The following PDE1C variants were observed in gnomAD, a reference collection of about 807,000 sequenced individuals.
PDE1C encodes dual specificity calcium/calmodulin-dependent 3',5'-cyclic nucleotide phosphodiesterase 1C.
Under a neutral mutation model 93.1 loss-of-function variants are expected in PDE1C, and 62 were observed. The ratio of observed to expected loss-of-function variants is 0.67; its 90% CI spans 0.54 to 0.82. PDE1C has a LOEUF of 0.82. Ranked by LOEUF, PDE1C falls within the 40% of genes least tolerant of loss-of-function variation. PDE1C has a pLI of 0.00. For missense variants in PDE1C, 742 were observed against 884.6 expected (o/e 0.84, Z 2.04); for synonymous variants, 325 against 310.1 (o/e 1.05, Z -0.50).
At chr7:31,818,060 T>A (rs1305911698) in intron 14 of PDE1C, among the ~76,000 whole-genome samples, 2 of 152,180 alleles carry the variant, frequency 1.3e-5, no homozygotes, top group Non-Finnish European at 1.5e-5. Flanking sequence ...ATAGTTTGAA[T>A]GTTTTCCAGG....
At chr7:32,305,929 C>A (rs1812988899) in intron 1 of PDE1C, among the ~76,000 whole-genome samples, 3 of 152,198 alleles carry the variant, frequency 2.0e-5, no homozygotes, top group Admixed American at 2.0e-4. Context: ...CCACCCAAAT[C>A]TCATCTTGAA....
the PDE1C span, among the ~76,000 whole-genome samples, chr7:31,688,610 C>T: frequency 6.6e-6 from 1 of 152,230 alleles, no homozygotes; most frequent in African/African-American, 2.4e-5. Context: ...TTAACAATCC[C>T]TGTGTATTGT....
chr7:32,034,051 A>G (rs1790686772), intron 2 of PDE1C, among the ~76,000 whole-genome samples: 2 of 89,906 alleles, frequency 2.2e-5, no homozygotes. Flanking sequence ...GTAAGATGAG[A>G]GACTGTGTGT....
chr7:32,106,354 A>C (rs1798311094), intron 3 of PDE1C, among the ~76,000 whole-genome samples: 1 of 152,126 alleles, frequency 6.6e-6, no homozygotes, highest in Admixed American at 6.5e-5. Flanking sequence ...TTACAACTAG[A>C]GTTCTAGTGT....
chr7:31,984,926 A>G (rs1371604458), intron 2 of PDE1C, among the ~76,000 whole-genome samples: 3 of 152,214 alleles, frequency 2.0e-5, no homozygotes, highest in Admixed American at 6.5e-5. Flanking sequence ...ATGACAGAAA[A>G]CATCGTCCTT....
intron 1 of PDE1C, among the ~76,000 whole-genome samples, chr7:32,401,266 C>T (rs1784936632): frequency 1.3e-5 from 2 of 152,136 alleles, no homozygotes; most frequent in African/African-American, 4.8e-5. Context: ...AGGCCGGGTA[C>T]AGTGGCTTAC....
At chr7:32,115,989 G>A (rs1798966403) in intron 3 of PDE1C, among the ~76,000 whole-genome samples, 1 of 152,124 alleles carries the variant, frequency 6.6e-6, no homozygotes, top group Admixed American at 6.6e-5. Context: ...GGTGAAAGAG[G>A]TCTACTCAAG....
At chr7:32,198,633 A>G (rs1395856217) in intron 2 of PDE1C, among the ~76,000 whole-genome samples, 1 of 152,184 alleles carries the variant, frequency 6.6e-6, no homozygotes, top group Non-Finnish European at 1.5e-5. Flanking sequence ...CAGCAGGATG[A>G]AAAAGCGATA....
chr7:32,257,219 A>T (rs57847190), intron 1 of PDE1C, among the ~76,000 whole-genome samples: 171 of 152,324 alleles, frequency 1.1e-3, no homozygotes, highest in African/African-American at 4.0e-3. Flanking sequence ...TAGACAGAGA[A>T]AGGAGAAAAA....
intron 1 of PDE1C, among the ~76,000 whole-genome samples, chr7:32,278,509 C>CA (rs1811433171): frequency 6.6e-6 from 1 of 152,190 alleles, no homozygotes; most frequent in African/African-American, 2.4e-5. Context: ...AAGAGATTCA[C>CA]ATCTACTCAC....
At chr7:31,732,189 C>A in the PDE1C span, among the ~76,000 whole-genome samples, 3 of 152,322 alleles carry the variant, frequency 2.0e-5, no homozygotes, top group African/African-American at 7.2e-5. Flanking sequence ...TTCTGCCATT[C>A]ATTTGTTCTC....
chr7:31,895,270 C>G (rs1023785932), intron 2 of PDE1C, among the ~76,000 whole-genome samples: 2 of 152,148 alleles, frequency 1.3e-5, no homozygotes, highest in African/African-American at 4.8e-5. Context: ...ACAGCCAGAC[C>G]TCAGCTGGAT....
chr7:32,383,182 A>G (rs186317896), intron 1 of PDE1C, among the ~76,000 whole-genome samples: 65 of 152,382 alleles, frequency 4.3e-4, no homozygotes, highest in Non-Finnish European at 6.3e-4. Flanking sequence ...ACTAAAAATC[A>G]TAAGAGACTT....
At chr7:32,052,706 T>A (rs1195569742) in intron 1 of PDE1C, among the ~76,000 whole-genome samples, 6 of 152,192 alleles carry the variant, frequency 3.9e-5, no homozygotes, top group African/African-American at 1.4e-4. Context: ...TGAGAATCAC[T>A]AGGACCTGTT....
intron 1 of PDE1C, among the ~76,000 whole-genome samples, chr7:32,358,304 A>C (rs1004910276): frequency 1.3e-5 from 2 of 152,222 alleles, no homozygotes; most frequent in Non-Finnish European, 2.9e-5. Context: ...TTCGGAACTT[A>C]ATGTTGACTT....
intron 2 of PDE1C, among the ~76,000 whole-genome samples, chr7:32,174,451 G>T (rs1280401409): frequency 4.6e-5 from 7 of 151,940 alleles, no homozygotes; most frequent in Non-Finnish European, 8.8e-5. Flanking sequence ...GGGACCCTGG[G>T]GAAAACCACA....
intron 9 of PDE1C, among the ~76,000 whole-genome samples, chr7:31,839,105 A>C (rs954576300): frequency 4.0e-5 from 6 of 148,556 alleles, no homozygotes; most frequent in Non-Finnish European, 7.4e-5. Context: ...ATACACATAT[A>C]TGTATTATAT....
At chr7:32,031,663 C>T (rs551336111) in intron 2 of PDE1C, among the ~76,000 whole-genome samples, 1 of 152,244 alleles carries the variant, frequency 6.6e-6, no homozygotes, top group African/African-American at 2.4e-5. Context: ...GATGATCTTG[C>T]GTTCAAGGAG....
At chr7:31,990,789 T>C (rs1784059033) in intron 2 of PDE1C, among the ~76,000 whole-genome samples, 1 of 152,212 alleles carries the variant, frequency 6.6e-6, no homozygotes, top group South Asian at 2.1e-4. Context: ...AATTATCCTC[T>C]GCTGGAGATT....
Sources: allele counts gnomAD v4.1 joint callset (sites outside exome capture counted in the v4.1 genomes callset), GRCh38; gene constraint gnomAD v4.1.1; transcripts MANE v1.5; gene names NCBI Gene and HGNC (gene_info 2026-07-23, HGNC 2026-07-21).